Variants in PLOD2 observed in about 807,000 individuals in gnomAD.
PLOD2 encodes the protein procollagen-lysine,2-oxoglutarate 5-dioxygenase 2, also known as lysine hydroxylase 2.
A neutral mutation model predicts 101.0 loss-of-function variants in PLOD2; 65 were observed. That is an observed-to-expected ratio of 0.64 (90% CI 0.53 to 0.79). The LOEUF (loss-of-function observed/expected upper bound fraction) is 0.79, where lower values mean the gene tolerates loss of function less well. Among genes scored for constraint, PLOD2 ranks in the 30% least tolerant of loss-of-function variants. PLOD2 has a pLI of 0.00. For missense variants in PLOD2, 909 were observed against 914.6 expected (o/e 0.99, Z 0.08); for synonymous variants, 314 against 302.9 (o/e 1.04, Z -0.38).
At chr3:146,098,926 G>A (rs1050626247) in intron 7 of PLOD2, among the ~76,000 whole-genome samples, 6 of 152,028 alleles carry the variant, frequency 3.9e-5, no homozygotes, top group Non-Finnish European at 8.8e-5. Flanking sequence ...GCCTGGATAA[G>A]AAGAATACGT....
intron 12 of PLOD2, among the ~76,000 whole-genome samples, chr3:146,081,077 T>C (rs990018730): frequency 3.9e-5 from 6 of 152,140 alleles, no homozygotes; most frequent in African/African-American, 1.4e-4. Context: ...CTCTGGTCCA[T>C]CATATGTATG....
chr3:146,117,585 A>T (rs1445509393), intron 3 of PLOD2, among the ~76,000 whole-genome samples: 1 of 152,040 alleles, frequency 6.6e-6, no homozygotes, highest in African/African-American at 2.4e-5. Flanking sequence ...TTTCCACAGG[A>T]TAGTCATGGT....
intron 8 of PLOD2, among the ~76,000 whole-genome samples, chr3:146,090,859 A>G (rs183642744): frequency 8.0e-4 from 121 of 151,886 alleles, no homozygotes; most frequent in Non-Finnish European, 1.9e-4. Flanking sequence ...TATTGCTTCT[A>G]CGTTTCTGGC....
intron 8 of PLOD2, among the ~76,000 whole-genome samples, chr3:146,089,584 G>T (rs979836289): frequency 6.6e-6 from 1 of 151,504 alleles, no homozygotes; most frequent in African/African-American, 2.4e-5. Flanking sequence ...TACATTAAGT[G>T]CTGAATTAGC....
intron 2 of PLOD2, among the ~76,000 whole-genome samples, chr3:146,122,409 A>C (rs146596845): frequency 6.6e-6 from 1 of 152,200 alleles, no homozygotes; most frequent in African/African-American, 2.4e-5. Context: ...CTGAGAGTCT[A>C]CTCTGTGCAA....
intron 2 of PLOD2, among the ~76,000 whole-genome samples, chr3:146,122,625 T>G (rs1390666236): frequency 6.6e-6 from 1 of 152,114 alleles, no homozygotes; most frequent in Non-Finnish European, 1.5e-5. Context: ...ATGTTGGTGG[T>G]CTGGGGTCCA....
At chr3:146,120,953 C>A (rs372971079) in intron 3 of PLOD2, among the ~76,000 whole-genome samples, 159 bp downstream of exon 3, 1 of 152,224 alleles carries the variant, frequency 6.6e-6, no homozygotes, top group Admixed American at 6.5e-5. Flanking sequence ...GAACTCCTGA[C>A]CTTGTGATCC....
At chr3:146,114,488 C>T (rs1251667940) in intron 3 of PLOD2, among the ~76,000 whole-genome samples, 1 of 152,148 alleles carries the variant, frequency 6.6e-6, no homozygotes, top group Non-Finnish European at 1.5e-5. Flanking sequence ...ACCAGACATA[C>T]TCTCAGTGGA....
At position 146,124,642 on chromosome 3, in the gene PLOD2, T is replaced by C. The variant is rs1479629859; in HGVS notation, c.110-413A>G. The stretch of plus-strand genomic sequence containing the variant: ...CAGTGAGGAGATCAGCAAATTACAT[T>C]CATCAAAATAATGACATACACAAAA... On this transcript the variant is annotated intron_variant, in intron 1 of 19. Transcript: ENST00000282903. 2.2e-5 allele frequency among the ~76,000 whole-genome samples: 3 copies of C among 134,284 alleles called. No individual in the cohort carries two copies. The East Asian group carries it at 6.6e-4, about 30-fold the overall frequency. The allele number at this position is 134,284 out of a possible 152,430, so 88.1% of individuals were successfully genotyped here.
chr3:146,108,999 C>A (rs1231327309), intron 4 of PLOD2, among the ~76,000 whole-genome samples: 1 of 152,182 alleles, frequency 6.6e-6, no homozygotes, highest in African/African-American at 2.4e-5. Context: ...GATGTGGAAG[C>A]AGCACCCATC....
chr3:146,097,808 AT>A (rs1245312492), intron 7 of PLOD2, among the ~76,000 whole-genome samples: 1 of 104,054 alleles, frequency 9.6e-6, no homozygotes, highest in East Asian at 3.1e-4. Context: ...AAAAAAAATA[AT>A]AATAATAATA....
At chr3:146,103,645 G>C (rs886227348) in intron 6 of PLOD2, among the ~76,000 whole-genome samples, 3 of 151,710 alleles carry the variant, frequency 2.0e-5, no homozygotes, top group Admixed American at 1.3e-4. Context: ...TTACTAAATG[G>C]ACTGACTTGA....
chr3:146,122,046 T>A (rs562720758), intron 2 of PLOD2, among the ~76,000 whole-genome samples: 1 of 152,264 alleles, frequency 6.6e-6, no homozygotes, highest in East Asian at 1.9e-4. Context: ...GGGAAATTAA[T>A]GGAGAATGAA....
At chr3:146,121,610 A>G (rs2030162299) in intron 2 of PLOD2, among the ~76,000 whole-genome samples, 1 of 152,124 alleles carries the variant, frequency 6.6e-6, no homozygotes, top group African/African-American at 2.4e-5. Context: ...TCTGGCAGGA[A>G]ATCTTTATGA....
At chr3:146,150,433 G>A (rs1301249185) in intron 1 of PLOD2, among the ~76,000 whole-genome samples, 6 of 151,968 alleles carry the variant, frequency 3.9e-5, no homozygotes. Flanking sequence ...CGAGAACATG[G>A]ATGGAGCTGG....
At chr3:146,106,902 A>C (rs1559852102) in intron 4 of PLOD2, among the ~76,000 whole-genome samples, 1 of 152,222 alleles carries the variant, frequency 6.6e-6, no homozygotes, top group Admixed American at 6.5e-5. Flanking sequence ...TGTCTCCAAA[A>C]GTAATTGACA....
chr3:146,119,115 T>C (rs1327923268), intron 3 of PLOD2, among the ~76,000 whole-genome samples: 1 of 152,140 alleles, frequency 6.6e-6, no homozygotes. Flanking sequence ...CAGTTTCTAA[T>C]GGTTTAGCAC....
At chr3:146,133,190 A>G (rs982021805) in intron 1 of PLOD2, among the ~76,000 whole-genome samples, 2 of 152,160 alleles carry the variant, frequency 1.3e-5, no homozygotes, top group African/African-American at 2.4e-5. Context: ...AAATAAAAAT[A>G]AAAGGCTCCA....
intron 11 of PLOD2, among the ~76,000 whole-genome samples, chr3:146,084,892 T>C (rs1281677468): frequency 6.6e-6 from 1 of 152,120 alleles, no homozygotes; most frequent in African/African-American, 2.4e-5. Flanking sequence ...AATTTTAGTA[T>C]CAGATGTATC....
Sources: gnomAD v4.1 joint callset for allele counts (sites outside exome capture counted in the v4.1 genomes callset) on GRCh38, gnomAD v4.1.1 for gene constraint, MANE v1.5 for transcripts, NCBI Gene and HGNC (gene_info 2026-07-23, HGNC 2026-07-21) for gene names.